The following LHX1 variants were observed in gnomAD, a reference collection of about 807,000 sequenced individuals.
LHX1 encodes LIM/homeobox protein Lhx1.
Under a neutral mutation model 34.1 loss-of-function variants are expected in LHX1, and 9 were observed. The ratio of observed to expected loss-of-function variants is 0.26; its 90% CI spans 0.16 to 0.46. The LOEUF (loss-of-function observed/expected upper bound fraction) is 0.46, where lower values mean the gene tolerates loss of function less well. Among genes scored for constraint, LHX1 ranks in the 20% least tolerant of loss-of-function variants. The pLI, the probability that LHX1 is intolerant of heterozygous loss-of-function variation, is 1.00. For missense variants in LHX1, 446 were observed against 559.1 expected (o/e 0.80, Z 2.04); for synonymous variants, 254 against 241.5 (o/e 1.05, Z -0.48).
Position 36,937,804 on chromosome 17 carries a change from T to G in LHX1, c.-394T>G. 2.1e-6 allele frequency: 1 copy of G among 482,478 alleles called. No individual in the cohort carries two copies. The highest frequency in any genetic ancestry group is 4.1e-6 in the Non-Finnish European group (1 of 245,116). The allele number at this position is 482,478 out of a possible 1,614,324, so 29.9% of individuals were successfully genotyped here. A position where few individuals can be genotyped will look rare whatever the true frequency, so the allele number is the denominator to read the frequency against. ...GCAACCCGAGCTCGGCGAGTCGTCG[T>G]CTTCTTCTTCTCCGTTTTTATTTAT... On this transcript the variant is annotated 5_prime_UTR_variant, in exon 1 of 5. Coordinates refer to ENST00000614239, the MANE Select transcript of LHX1 (RefSeq NM_005568.5).
Position 36,940,280 on chromosome 17 carries a change from C to A in LHX1, c.171-10C>A. The A allele has an allele frequency of 9.6e-7, 1 of 1,046,478 alleles. No individual in the cohort carries two copies. Among genetic ancestry groups the A allele is most frequent in the Non-Finnish European group, 1.4e-6 (1 of 725,558 alleles). The allele number at this position is 1,046,478 out of a possible 1,614,324, so 64.8% of individuals were successfully genotyped here. ...CCCCGCCCCCGCCCCCCACCCCCACCCCCCCGCAGGTGTTTCGGTACCAAA... is the reference window on the plus strand; with the variant it reads ...CCCCGCCCCCGCCCCCCACCCCCACACCCCCGCAGGTGTTTCGGTACCAAA... On this transcript the variant is annotated splice_polypyrimidine_tract_variant and intron_variant, in intron 1 of 4. Coordinates refer to ENST00000614239, the MANE Select transcript of LHX1 (RefSeq NM_005568.5).
intron 1 of LHX1, chr17:36,940,009 T>G (rs1295812055): frequency 1.7e-6 from 1 of 583,300 alleles, no homozygotes; most frequent in Non-Finnish European, 3.1e-6. Flanking sequence ...GGCTGGGGCT[T>G]GGCGGGTAGC....
intron 1 of LHX1, 134 bp downstream of exon 1, chr17:36,938,501 G>T: frequency 1.2e-6 from 1 of 864,862 alleles, no homozygotes; most frequent in Non-Finnish European, 1.8e-6. Flanking sequence ...AGTCCCGCGG[G>T]CGCCCGCCTC....
rs1294429612 is a variant in LHX1, at chr17:36,943,258, C to G, written c.*127C>G. The G allele has an allele frequency of 2.6e-6, 3 of 1,154,760 alleles. No homozygotes were observed. Among genetic ancestry groups the G allele is most frequent in the East Asian group, 2.7e-5 (1 of 37,306 alleles). The allele number at this position is 1,154,760 out of a possible 1,614,324, so 71.5% of individuals were successfully genotyped here. ...TTCCTCCAGCCTCGAGAACCATTCT[C>G]CTTCTGGGGAGACCGGATGGAAAAG... On this transcript the variant is annotated 3_prime_UTR_variant, in exon 5 of 5. Coordinates refer to ENST00000614239, the MANE Select transcript of LHX1 (RefSeq NM_005568.5).
rs766878151 is a variant in LHX1 at position 36,942,741 on chromosome 17, C to T, written c.842-11C>T. Reference sequence around the variant, plus strand: ...GCCCTGACGTCCTGCGCCCTCCCCGCCGCTCCGCAGATTACCAGAGCGAGT... The same window carrying T: ...GCCCTGACGTCCTGCGCCCTCCCCGTCGCTCCGCAGATTACCAGAGCGAGT... On this transcript the variant is annotated splice_polypyrimidine_tract_variant and intron_variant, in intron 4 of 4. Transcript: ENST00000614239. The T allele has an allele frequency of 2.7e-6, 4 of 1,499,484 alleles. No homozygotes were observed. In the Admixed American group the frequency reaches 9.1e-5, roughly 34 times the overall value. The allele number at this position is 1,499,484 out of a possible 1,614,324, so 92.9% of individuals were successfully genotyped here.
intron 3 of LHX1, chr17:36,941,494 G>C: frequency 3.3e-6 from 1 of 306,054 alleles, no homozygotes; most frequent in Non-Finnish European, 6.4e-6. Flanking sequence ...GAAGCTCCAG[G>C]CCAGGGGGAG....
At chr17:36,942,084 A>AGC (rs941774223) in intron 3 of LHX1, 116 bp from the exon 4 acceptor site, 14 of 1,012,502 alleles carry the variant, frequency 1.4e-5, no homozygotes, top group Middle Eastern at 3.2e-4. Context: ...CACACACACA[A>AGC]GCGCGCGCGC....
rs1472723129 is a variant in LHX1, at chr17:36,940,845, G to A, written c.633G>A (p.Glu211=). The change falls in exon 3 of 5, where the codon GAG becomes GAA. Residue 211 remains glutamate (E), a synonymous_variant. Transcript: ENST00000614239. ...CCAAGCCCACCCGCCACATCCGCGAGCAGCTGGCGCAGGAGACCGGCCTCA... is the reference window on the plus strand; with the variant it reads ...CCAAGCCCACCCGCCACATCCGCGAACAGCTGGCGCAGGAGACCGGCCTCA... ...ATPKPTRHIR[E]QLAQETGLNM... 1 of 1,609,666 alleles carries A rather than the reference G, an allele frequency of 6.2e-7. No individual in the cohort carries two copies. Among genetic ancestry groups the A allele is most frequent in the Non-Finnish European group, 8.5e-7 (1 of 1,178,880 alleles).
Position 36,943,481 on chromosome 17 carries a change from C to T in LHX1, c.*350C>T. On this transcript the variant is annotated 3_prime_UTR_variant, in exon 5 of 5. Transcript: ENST00000614239. ...GGCGAAAAGACGTCCAGGGCAGCCG[C>T]GGGTGCGCACAGCCGTTGGCGATGC... 1 of 247,556 alleles carries T rather than the reference C, an allele frequency of 4.0e-6. No homozygotes were observed. Among genetic ancestry groups the T allele is most frequent in the Non-Finnish European group, 7.7e-6 (1 of 129,960 alleles). 15.3% of individuals were successfully genotyped at this position (247,556 alleles called of 1,614,324 possible). A position where few individuals can be genotyped will look rare whatever the true frequency, so the allele number is the denominator to read the frequency against.
At chr17:36,936,958 G>C (rs2070728041), upstream of LHX1, 1 of 254,520 alleles carries the variant, frequency 3.9e-6, no homozygotes, top group East Asian at 1.8e-4. Flanking sequence ...CCGGCCTACT[G>C]TAGCCGCTGC....
rs553570625 is a variant in LHX1, at chr17:36,942,683, C to T, written c.842-69C>T. Reference sequence around the variant, plus strand: ...CCTCAGCCCGCCGAGGTCGCGTCTTCCCTCCCTTTCGGTCCCGCCGGCCCC... The same window carrying T: ...CCTCAGCCCGCCGAGGTCGCGTCTTTCCTCCCTTTCGGTCCCGCCGGCCCC... On this transcript the variant is annotated intron_variant, in intron 4 of 4. Transcript: ENST00000614239. 9.9e-6 allele frequency: 14 copies of T among 1,410,480 alleles called. No homozygotes were observed. In the African/African-American group the frequency reaches 1.6e-4, roughly 16 times the overall value. 87.4% of individuals were successfully genotyped at this position (1,410,480 alleles called of 1,614,324 possible). A position where few individuals can be genotyped will look rare whatever the true frequency, so the allele number is the denominator to read the frequency against.
chr17:36,940,183 T>G (rs978468817), intron 1 of LHX1, 107 bp from the exon 2 acceptor site: 35 of 707,464 alleles, frequency 4.9e-5, no homozygotes, highest in Non-Finnish European at 8.1e-5. Flanking sequence ...CTTCCTCCAC[T>G]TTTTACATCT....
intron 2 of LHX1, 27 bp from the exon 3 acceptor site, chr17:36,940,583 C>T: frequency 6.2e-7 from 1 of 1,613,708 alleles, no homozygotes; most frequent in South Asian, 1.1e-5. Context: ...CGCCAAGGCC[C>T]CGGCTCATCT....
intron 4 of LHX1, 45 bp from the exon 5 acceptor site, chr17:36,942,707 C>G (rs1299567990): frequency 2.4e-5 from 34 of 1,446,634 alleles, no homozygotes; most frequent in Non-Finnish European, 3.1e-5. Flanking sequence ...CCCGCCGGCC[C>G]CCGGCCGGGC....
In LHX1 at chr17:36,943,140, C is replaced by A. The variant is rs1318351827; in HGVS notation, c.*9C>A. ...AGGCGGCCGTGTGGTAGCGGGGTCTCGCACGGTCTGCGGAGTTCGTGGTTG... is the reference window on the plus strand; with the variant it reads ...AGGCGGCCGTGTGGTAGCGGGGTCTAGCACGGTCTGCGGAGTTCGTGGTTG... On this transcript the variant is annotated 3_prime_UTR_variant, in exon 5 of 5. Transcript: ENST00000614239. 9.9e-6 allele frequency: 16 copies of A among 1,611,856 alleles called. No individual in the cohort carries two copies. The highest frequency in any genetic ancestry group is 1.3e-5 in the African/African-American group (1 of 74,762).
At chr17:36,937,077 C>A, upstream of LHX1, 1 of 326,684 alleles carries the variant, frequency 3.1e-6, no homozygotes, top group South Asian at 2.1e-5. Context: ...AGAAAGGAAA[C>A]CCAGATTTGC....
Position 36,940,275 on chromosome 17 carries a change from C to A in LHX1, c.171-15C>A. On this transcript the variant is annotated splice_polypyrimidine_tract_variant and intron_variant, in intron 1 of 4. Transcript: ENST00000614239. ...CCCATCCCCGCCCCCGCCCCCCACC[C>A]CCACCCCCCCGCAGGTGTTTCGGTA... The A allele has an allele frequency of 4.7e-6, 3 of 635,008 alleles. No homozygotes were observed. The highest frequency in any genetic ancestry group is 7.9e-6 in the Non-Finnish European group (3 of 378,802). The allele number at this position is 635,008 out of a possible 1,614,324, so 39.3% of individuals were successfully genotyped here. A position where few individuals can be genotyped will look rare whatever the true frequency, so the allele number is the denominator to read the frequency against.
chr17:36,940,259 G>GCCCAC, intron 1 of LHX1, 31 bp from the exon 2 acceptor site: 2 of 288,514 alleles, frequency 6.9e-6, no homozygotes, highest in Non-Finnish European at 6.3e-6. Flanking sequence ...ACCCATCCCC[G>GCCCAC]CCCCCGCCCC....
At position 36,943,021 on chromosome 17, in the gene LHX1, G is replaced by A. The variant is rs150197430; in HGVS notation, c.1111G>A (p.Glu371Lys). 2.0e-5 allele frequency: 32 copies of A among 1,609,732 alleles called. No homozygotes were observed. In the African/African-American group the frequency reaches 3.5e-4, roughly 17 times the overall value. Residue 371 changes from glutamate (E) to lysine (K), a missense_variant, in exon 5 of 5, where the codon GAG becomes AAG. Transcript: ENST00000614239. The part of the protein sequence containing the change: ...LPGPLHSMSA[E>K]VFGPSPPFSS... ...CGGGCCTCTGCACTCCATGTCGGCC[G>A]AGGTCTTCGGACCCAGCCCGCCCTT...
Sources: allele counts gnomAD v4.1 joint callset, GRCh38; gene constraint gnomAD v4.1.1; transcripts MANE v1.5; gene names NCBI Gene and HGNC (gene_info 2026-07-23, HGNC 2026-07-21).